The following NOX5 variants were observed in gnomAD, a reference collection of about 807,000 sequenced individuals.
NOX5 encodes the protein NADPH oxidase 5, also known as NADPH oxidase, EF-hand calcium binding domain 5.
In NOX5, 76 loss-of-function variants were observed where a neutral mutation model predicts 85.7. That is an observed-to-expected ratio of 0.89 (90% CI 0.74 to 1.07). The LOEUF is 1.07. Among genes scored for constraint, NOX5 ranks in the 50% least tolerant of loss-of-function variants. The pLI is 0.00. For missense variants in NOX5, 973 were observed against 999.5 expected (o/e 0.97, Z 0.36); for synonymous variants, 405 against 401.4 (o/e 1.01, Z -0.11).
At chr15:69,047,347 C>T (rs1327383002) in intron 11 of NOX5, 66 bp from the exon 12 acceptor site, 4 of 1,488,490 alleles carry the variant, frequency 2.7e-6, no homozygotes, top group Non-Finnish European at 3.6e-6. Flanking sequence ...CTGGGGACAT[C>T]CCCTGGTAGC....
At position 69,026,781 on chromosome 15, in the gene NOX5, C is replaced by T. The variant is rs934791324; in HGVS notation, c.174+130C>T. On this transcript the variant is annotated intron_variant, in intron 2 of 15. Transcript: ENST00000388866. Reference sequence around the variant, plus strand: ...AGGTCTCCACCTTGTAGCGGGCTGGCGGGATGTTTATGGCACCCTCCCATT... The same window carrying T: ...AGGTCTCCACCTTGTAGCGGGCTGGTGGGATGTTTATGGCACCCTCCCATT... 3.0e-5 allele frequency: 38 copies of T among 1,282,358 alleles called. No homozygotes were observed. The Admixed American group carries it at 4.3e-4, about 15-fold the overall frequency. 79.4% of individuals were successfully genotyped at this position (1,282,358 alleles called of 1,614,324 possible).
intron 9 of NOX5, among the ~76,000 whole-genome samples, chr15:69,042,027 T>G (rs1233155915): frequency 6.7e-6 from 1 of 150,018 alleles, no homozygotes; most frequent in Non-Finnish European, 1.5e-5. Context: ...AGAAGGAGAC[T>G]ATCCACTGCC....
intron 3 of NOX5, chr15:69,029,707 TCTCA>T (rs1398472360): frequency 6.7e-6 from 1 of 149,418 alleles, no homozygotes; most frequent in Non-Finnish European, 1.5e-5. Flanking sequence ...TGAGATGGAG[TCTCA>T]CTCTGTTGCC....
rs148950714 is a variant in NOX5 at position 69,035,487 on chromosome 15, T to A, written c.989T>A (p.Val330Glu). The change falls in exon 6 of 16, where the codon GTG becomes GAG. Residue 330 changes from valine to glutamate, a missense_variant. Physicochemically the swap from Val to Glu is moderately radical, Grantham distance 121 (BLOSUM62 -2). Coordinates refer to ENST00000388866, the MANE Select transcript of NOX5 (RefSeq NM_024505.4). ...GTGGGGCTGTCCCTCGTGCACACCG[T>A]GGCTCACACTGTGAACTTTGGTGAG... ...VVVGLSLVHT[V>E]AHTVNFVLQA... is the part of the protein sequence containing the mutation. 1.2e-5 allele frequency: 20 copies of A among 1,614,076 alleles called. No individual in the cohort carries two copies. In the African/African-American group the frequency reaches 2.5e-4, roughly 20 times the overall value.
chr15:69,040,983 C>T (rs1421634380), intron 9 of NOX5, among the ~76,000 whole-genome samples: 2 of 152,214 alleles, frequency 1.3e-5, no homozygotes, highest in East Asian at 3.9e-4. Flanking sequence ...TGTGCCCCAC[C>T]TTCACCAGTT....
rs34006348 is a variant in NOX5 at position 69,019,189 on chromosome 15, G to A, written c.50+4404G>A. Among the ~76,000 whole-genome samples, 1,435 of 152,204 alleles carry A rather than the reference G, an allele frequency of 9.4e-3. 13 individuals carry two copies. The highest frequency in any genetic ancestry group is 0.015 in the Non-Finnish European group (1,002 of 68,002). ...TGCTTGCTTTTTAATTGTCATACCCGGCAGTAACGAGGTACTCCCTCCTCC... is the reference window on the plus strand; with the variant it reads ...TGCTTGCTTTTTAATTGTCATACCCAGCAGTAACGAGGTACTCCCTCCTCC... On this transcript the variant is annotated intron_variant, in intron 1 of 15. Coordinates refer to ENST00000388866, the MANE Select transcript of NOX5 (RefSeq NM_024505.4).
rs778379511 is a variant in NOX5 at position 69,042,693 on chromosome 15, G to A, written c.1535G>A (p.Gly512Asp). ...ATCTGGCTGCACATTCGGTCCCAAGGCCAGTGGACAAACAGGCTGTATGAG... is the reference window on the plus strand; with the variant it reads ...ATCTGGCTGCACATTCGGTCCCAAGACCAGTGGACAAACAGGCTGTATGAG... ...DTIWLHIRSQ[G>D]QWTNRLYESF... Residue 512 changes from glycine (G) to aspartate (D), a missense_variant, in exon 10 of 16, where the codon GGC (glycine) becomes GAC (aspartate). Physicochemically the swap from Gly to Asp is moderately conservative, Grantham distance 94. Transcript: ENST00000388866. 6.2e-6 allele frequency: 10 copies of A among 1,613,826 alleles called. 1 individual carries two copies. In the South Asian group the frequency reaches 9.9e-5, roughly 16 times the overall value.
At chr15:69,033,298 G>A (rs1444267015) in intron 5 of NOX5, 21 bp downstream of exon 5, 3 of 1,587,470 alleles carry the variant, frequency 1.9e-6, no homozygotes. Flanking sequence ...CCAGCACACG[G>A]TGCTCTGAAA....
At chr15:69,023,018 C>T in intron 1 of NOX5, 1 of 490,120 alleles carries the variant, frequency 2.0e-6, no homozygotes, top group Admixed American at 2.2e-5. Flanking sequence ...GAGGAATGTT[C>T]CATGGGCCTG....
intron 7 of NOX5, 32 bp from the exon 8 acceptor site, chr15:69,036,996 C>T (rs1240604280): frequency 6.3e-7 from 1 of 1,599,414 alleles, no homozygotes; most frequent in Admixed American, 1.7e-5. Flanking sequence ...GCCTTGAGCT[C>T]TGGAAGTTGA....
Position 69,058,876 on chromosome 15 carries a change from A to G in NOX5, c.*2180A>G, listed in dbSNP as rs953682385. 1.3e-5 allele frequency: 2 copies of G among 152,258 alleles called. No individual in the cohort carries two copies. Among genetic ancestry groups the G allele is most frequent in the African/African-American group, 4.8e-5 (2 of 41,442 alleles). The allele number at this position is 152,258 out of a possible 1,614,324, so 9.4% of individuals were successfully genotyped here. On this transcript the variant is annotated 3_prime_UTR_variant, in exon 16 of 16. Coordinates refer to ENST00000388866, the MANE Select transcript of NOX5 (RefSeq NM_024505.4). Reference sequence around the variant, plus strand: ...AAACTAAAGAGGGTGTTCTGACTTAAGGTTGGAGGATGTAAACAGGCTGTG... The same window carrying G: ...AAACTAAAGAGGGTGTTCTGACTTAGGGTTGGAGGATGTAAACAGGCTGTG...
intron 1 of NOX5, among the ~76,000 whole-genome samples, chr15:69,018,226 G>A (rs1334046728): frequency 1.3e-5 from 2 of 152,040 alleles, no homozygotes; most frequent in Admixed American, 6.5e-5. Context: ...GGGATTGGCA[G>A]GGAGAATGGG....
chr15:69,023,103 C>A, intron 1 of NOX5: 1 of 403,512 alleles, frequency 2.5e-6, no homozygotes, highest in East Asian at 7.6e-5. Flanking sequence ...AGACTTCTTC[C>A]TGGGTGTCAT....
chr15:69,055,523 A>G (rs749618915), intron 15 of NOX5, 23 bp downstream of exon 15: 15 of 1,610,334 alleles, frequency 9.3e-6, no homozygotes, highest in Admixed American at 1.7e-5. Context: ...GGAGCCCTGC[A>G]GCTTGCAGGT....
At chr15:69,031,351 C>G (rs1015921229) in intron 3 of NOX5, 167 bp from the exon 4 acceptor site, 4 of 685,604 alleles carry the variant, frequency 5.8e-6, no homozygotes, top group Non-Finnish European at 9.5e-6. Context: ...ATTCTCCACC[C>G]GTGGGGAGGT....
rs36041565 is a variant in NOX5 at position 69,042,617 on chromosome 15, C to T, written c.1505-46C>T. ...TGGGGTGAGGCTTGCTCCCTGGTGC[C>T]GGTCACTATGGACCTCCTTTCCCCT... On this transcript the variant is annotated intron_variant, in intron 9 of 15. Coordinates refer to ENST00000388866, the MANE Select transcript of NOX5 (RefSeq NM_024505.4). The T allele has an allele frequency of 4.4e-3, 6,971 of 1,582,996 alleles. 272 individuals carry two copies. In the African/African-American group the frequency reaches 0.084, roughly 19 times the overall value.
chr15:69,036,425 TC>T (rs1357661314), intron 7 of NOX5, among the ~76,000 whole-genome samples: 1 of 152,218 alleles, frequency 6.6e-6, no homozygotes, highest in Non-Finnish European at 1.5e-5. Flanking sequence ...CTTCTGTCTC[TC>T]CAGCCTCCTC....
At chr15:69,045,544 C>CTT (rs2050655051) in intron 10 of NOX5, among the ~76,000 whole-genome samples, 2 of 119,078 alleles carry the variant, frequency 1.7e-5, no homozygotes, top group African/African-American at 7.3e-5. Flanking sequence ...TTTTTTCTTT[C>CTT]TTTCTTTCTT....
intron 1 of NOX5, among the ~76,000 whole-genome samples, chr15:69,017,775 T>TAC (rs35677555): frequency 0.013 from 1,969 of 146,780 alleles, 15 homozygotes; most frequent in East Asian, 0.062. Context: ...ATATATTTTA[T>TAC]ACACACACAC....
Sources: gnomAD v4.1 joint callset for allele counts (sites outside exome capture counted in the v4.1 genomes callset) on GRCh38, gnomAD v4.1.1 for gene constraint, MANE v1.5 for transcripts, NCBI Gene and HGNC (gene_info 2026-07-23, HGNC 2026-07-21) for gene names.